The following FOXN4 variants were observed in gnomAD, a reference collection of about 807,000 sequenced individuals.
FOXN4 encodes the protein forkhead box protein N4.
Under a neutral mutation model 45.0 loss-of-function variants are expected in FOXN4, and 12 were observed. The observed-to-expected ratio is 0.27, with a 90% CI of 0.17 to 0.43. The LOEUF is 0.43. FOXN4 is among the 20% of genes least tolerant of loss of function. The pLI is 1.00. For missense variants in FOXN4, 560 were observed against 694.9 expected (o/e 0.81, Z 2.18); for synonymous variants, 297 against 295.0 (o/e 1.01, Z -0.07).
chr12:109,287,413 G>A lies in FOXN4; in HGVS notation c.580C>T (p.Pro194Ser). The change falls in exon 6 of 10, where the codon CCC becomes TCC. Residue 194 changes from proline to serine, a missense_variant. Around this residue, in one of 5 missense-constraint regions of FOXN4, gnomAD observed 61 missense variants for 59.8 expected, o/e 1.02. Transcript: ENST00000299162. The surrounding 1 kb of genome is among the most constrained non-coding windows in gnomAD (Gnocchi z 4.1). ...QELHPKHYPK[P>S]IYSYSCLIAM... ...GGACCTCACCTGTACGAGTAGATGG[G>A]CTTGGGGTAGTGTTTGGGGTGCAGT... 6.4e-7 allele frequency: 1 copy of A among 1,551,612 alleles called. No individual in the cohort carries two copies. Among genetic ancestry groups the A allele is most frequent in the Non-Finnish European group, 8.7e-7 (1 of 1,146,916 alleles).
intron 7 of FOXN4, 45 bp from the exon 8 acceptor site, chr12:109,285,556 C>T: frequency 6.2e-7 from 1 of 1,605,114 alleles, no homozygotes; most frequent in Non-Finnish European, 8.5e-7. Context: ...GTAAGCCCTT[C>T]CCCCTACCCC....
chr12:109,299,982 A>C (rs2136942235), intron 2 of FOXN4, among the ~76,000 whole-genome samples: 1 of 152,302 alleles, frequency 6.6e-6, no homozygotes, highest in South Asian at 2.1e-4. Context: ...AGCAGCTGTG[A>C]GAATTGTCTG....
rs190708289 is a variant in FOXN4, at chr12:109,304,099, G to A, written c.86+4137C>T. On this transcript the variant is annotated intron_variant, in intron 2 of 9. Coordinates refer to ENST00000299162, the MANE Select transcript of FOXN4 (RefSeq NM_213596.3). ...CCAGCTACTCAGGAGGCTGAGGCAG[G>A]AGAATTGCTGGAACCCAGGAAGTGG... 5.3e-5 allele frequency among the ~76,000 whole-genome samples: 8 copies of A among 151,402 alleles called. No individual in the cohort carries two copies. The East Asian group carries it at 1.6e-3, about 29-fold the overall frequency.
chr12:109,296,823 C>T (rs1246918666), intron 2 of FOXN4, among the ~76,000 whole-genome samples: 1 of 152,216 alleles, frequency 6.6e-6, no homozygotes, highest in Non-Finnish European at 1.5e-5. Flanking sequence ...ACCCACACTC[C>T]CCTGGGGTCA....
At chr12:109,293,296 C>T (rs183263168) in intron 2 of FOXN4, among the ~76,000 whole-genome samples, 13 of 152,312 alleles carry the variant, frequency 8.5e-5, no homozygotes, top group Non-Finnish European at 1.3e-4. Flanking sequence ...CCTGCTACCC[C>T]GAGAGCAGCA....
chr12:109,296,916 A>T (rs2047823091), intron 2 of FOXN4, among the ~76,000 whole-genome samples: 1 of 152,164 alleles, frequency 6.6e-6, no homozygotes, highest in African/African-American at 2.4e-5. Context: ...TTCTCACTGG[A>T]TCTCACATCA....
rs566212396 is a variant in FOXN4, at chr12:109,281,932, C to T, written c.902-133G>A. On this transcript the variant is annotated intron_variant, in intron 8 of 9. Transcript: ENST00000299162. ...CCTCTTGGACACTCAGAACCTCTGT[C>T]TCCTCACCTATGAAATGACACAGGC... 20 of 1,025,218 alleles carry T rather than the reference C, an allele frequency of 2.0e-5. No individual in the cohort carries two copies. In the African/African-American group the frequency reaches 2.6e-4, roughly 13 times the overall value. 63.5% of individuals were successfully genotyped at this position (1,025,218 alleles called of 1,614,324 possible). A position where few individuals can be genotyped will look rare whatever the true frequency, so the allele number is the denominator to read the frequency against.
chr12:109,282,354 G>T (rs1040445563), intron 8 of FOXN4, among the ~76,000 whole-genome samples: 6 of 152,052 alleles, frequency 3.9e-5, no homozygotes, highest in African/African-American at 9.7e-5. Context: ...AGGCTGAGGT[G>T]GGGGGATCAC....
In FOXN4 at chr12:109,287,977, GAC is replaced by G; in HGVS notation, c.358-25_358-24del. ...CATCTGCTGGGCAGGAAGAGGAGGA[GAC>G]AGAGGGTCACGGTGGGGGTAGACAC... On this transcript the variant is annotated intron_variant, in intron 4 of 9. Transcript: ENST00000299162. This position sits in a 1 kb window ranked among gnomAD's most constrained non-coding sequence, Gnocchi z 4.1. 2 of 1,549,742 alleles carry G rather than the reference GAC, an allele frequency of 1.3e-6. No individual in the cohort carries two copies. Among genetic ancestry groups the G allele is most frequent in the South Asian group, 2.4e-5 (2 of 84,054 alleles).
At chr12:109,304,199 A>AG (rs2047891831) in intron 2 of FOXN4, among the ~76,000 whole-genome samples, 1 of 149,462 alleles carries the variant, frequency 6.7e-6, no homozygotes, top group South Asian at 2.1e-4. Flanking sequence ...AAAAAAAAAA[A>AG]AAAGAAAGAA....
chr12:109,287,386 C>G lies in FOXN4; in HGVS notation c.596+11G>C, dbSNP rs1405031306. On this transcript the variant is annotated intron_variant, in intron 6 of 9. Transcript: ENST00000299162. This position sits in a 1 kb window ranked among gnomAD's most constrained non-coding sequence, Gnocchi z 4.1. ...GCCCTTGGCCCTGACCCGGCCCACCCTGGACCTCACCTGTACGAGTAGATG... is the reference window on the plus strand; with the variant it reads ...GCCCTTGGCCCTGACCCGGCCCACCGTGGACCTCACCTGTACGAGTAGATG... The G allele has an allele frequency of 1.3e-6, 2 of 1,551,448 alleles. No individual in the cohort carries two copies. The highest frequency in any genetic ancestry group is 3.9e-5 in the Admixed American group (2 of 50,994).
At chr12:109,305,959 C>T (rs908326689) in intron 2 of FOXN4, among the ~76,000 whole-genome samples, 2 of 152,068 alleles carry the variant, frequency 1.3e-5, no homozygotes, top group African/African-American at 2.4e-5. Flanking sequence ...CTGCTTGCCC[C>T]GCCCTGTTTT....
chr12:109,293,827 T>C (rs2047792038), intron 2 of FOXN4, among the ~76,000 whole-genome samples: 1 of 151,936 alleles, frequency 6.6e-6, no homozygotes, highest in Non-Finnish European at 1.5e-5. Context: ...GCGCTGAGAG[T>C]TGGTGTGACA....
chr12:109,300,599 A>G (rs988914027), intron 2 of FOXN4, among the ~76,000 whole-genome samples: 2 of 152,150 alleles, frequency 1.3e-5, no homozygotes, highest in African/African-American at 2.4e-5. Context: ...AACCCTCATC[A>G]TATCATTTAT....
In FOXN4 at chr12:109,278,701, C is replaced by A. The variant is rs1486318500; in HGVS notation, c.*970G>T. 6.6e-6 allele frequency: 1 copy of A among 152,108 alleles called. No homozygotes were observed. Among genetic ancestry groups the A allele is most frequent in the Non-Finnish European group, 1.5e-5 (1 of 68,052 alleles). The allele number at this position is 152,108 out of a possible 1,614,324, so 9.4% of individuals were successfully genotyped here. On this transcript the variant is annotated 3_prime_UTR_variant, in exon 10 of 10. Coordinates refer to ENST00000299162, the MANE Select transcript of FOXN4 (RefSeq NM_213596.3). ...TCGCATTTTCCCCTTTGAAAGCCCC[C>A]CAAGCCCCCAAACAATGGCACCGCC...
At chr12:109,285,225 G>A (rs565578323) in intron 8 of FOXN4, 79 bp downstream of exon 8, 639 of 1,512,922 alleles carry the variant, frequency 4.2e-4, no homozygotes, top group South Asian at 5.0e-4. Flanking sequence ...GGTGGATGTC[G>A]GCCAGGTCCT....
chr12:109,286,100 T>C (rs1262016447), intron 7 of FOXN4, among the ~76,000 whole-genome samples: 1 of 152,204 alleles, frequency 6.6e-6, no homozygotes, highest in Non-Finnish European at 1.5e-5. Flanking sequence ...GCACACACAC[T>C]GTACTGCAGT....
chr12:109,287,964 A>G lies in FOXN4; in HGVS notation c.358-10T>C, dbSNP rs2136923656. ...CGGGGAACTGGCTCATCTGCTGGGCAGGAAGAGGAGGAGACAGAGGGTCAC... is the reference window on the plus strand; with the variant it reads ...CGGGGAACTGGCTCATCTGCTGGGCGGGAAGAGGAGGAGACAGAGGGTCAC... On this transcript the variant is annotated splice_polypyrimidine_tract_variant and intron_variant, in intron 4 of 9. Coordinates refer to ENST00000299162, the MANE Select transcript of FOXN4 (RefSeq NM_213596.3). This position sits in a 1 kb window ranked among gnomAD's most constrained non-coding sequence, Gnocchi z 4.1. 1 of 1,549,670 alleles carries G rather than the reference A, an allele frequency of 6.5e-7. No homozygotes were observed. Among genetic ancestry groups the G allele is most frequent in the East Asian group, 2.4e-5 (1 of 40,908 alleles).
chr12:109,285,092 C>T (rs1220627693), intron 8 of FOXN4, among the ~76,000 whole-genome samples: 2 of 151,770 alleles, frequency 1.3e-5, no homozygotes, highest in Non-Finnish European at 2.9e-5. Context: ...GTTGCCCATG[C>T]TCCGGTGGAT....
Sources: allele counts gnomAD v4.1 joint callset (sites outside exome capture counted in the v4.1 genomes callset), GRCh38; gene constraint gnomAD v4.1.1; regional missense constraint gnomAD v4.1.1; non-coding constraint Gnocchi (gnomAD v3.1); transcripts MANE v1.5; gene names NCBI Gene and HGNC (gene_info 2026-07-23, HGNC 2026-07-21).